Variants in PPARD observed in about 807,000 individuals in gnomAD.
PPARD encodes peroxisome proliferator activated receptor delta, also known as peroxisome proliferator-activated receptor delta.
Under a neutral mutation model 39.5 loss-of-function variants are expected in PPARD, and 6 were observed. The ratio of observed to expected loss-of-function variants is 0.15; its 90% CI spans 0.08 to 0.30. The LOEUF (loss-of-function observed/expected upper bound fraction) is 0.30. PPARD is among the 10% of genes least tolerant of loss of function. The probability of loss-of-function intolerance (pLI) is 1.00; values close to 1 mark genes in which losing one functional copy is unlikely to be tolerated. For synonymous variants in PPARD, 210 were observed against 231.3 expected (o/e 0.91, Z 0.83); for missense variants, 397 against 596.8 (o/e 0.67, Z 3.49).
Position 35,407,920 on chromosome 6 carries a change from A to C in PPARD, c.-101-3067A>C, listed in dbSNP as rs78785385. 6.0e-4 allele frequency among the ~76,000 whole-genome samples: 92 copies of C among 152,164 alleles called. No individual in the cohort carries two copies. The East Asian group carries it at 0.014, about 23-fold the overall frequency. Reference sequence around the variant, plus strand: ...CAGAACCCCACTCTACTCTTGAGCTAAGTGTCTTTATGTCTCCTATTTTAA... The same window carrying C: ...CAGAACCCCACTCTACTCTTGAGCTCAGTGTCTTTATGTCTCCTATTTTAA... On this transcript the variant is annotated intron_variant, in intron 2 of 7. Coordinates refer to ENST00000360694, the MANE Select transcript of PPARD (RefSeq NM_006238.5).
intron 2 of PPARD, among the ~76,000 whole-genome samples, chr6:35,361,818 G>A (rs1443885181): frequency 6.6e-6 from 1 of 152,200 alleles, no homozygotes; most frequent in Admixed American, 6.5e-5. Context: ...GTCCCATGGG[G>A]ACAGGTGGTT....
At chr6:35,388,578 G>T (rs952689441) in intron 2 of PPARD, among the ~76,000 whole-genome samples, 1 of 152,126 alleles carries the variant, frequency 6.6e-6, no homozygotes, top group African/African-American at 2.4e-5. Context: ...CGGGCGTGGT[G>T]GCGCACACGT....
chr6:35,425,616 G>A lies in PPARD; in HGVS notation c.1079-216G>A, dbSNP rs1471212230. Among the ~76,000 whole-genome samples, 1 of 152,154 alleles carries A rather than the reference G, an allele frequency of 6.6e-6. No individual in the cohort carries two copies. The highest frequency in any genetic ancestry group is 2.4e-5 in the African/African-American group (1 of 41,430). On this transcript the variant is annotated intron_variant, in intron 7 of 7. Transcript: ENST00000360694. This position sits in a 1 kb window ranked among gnomAD's most constrained non-coding sequence, Gnocchi z 4.5. Reference sequence around the variant, plus strand: ...ACAATACTACGTTGCCTAATCGGGGGGGAGGTGGGGACAAATTGGCAAAAA... The same window carrying A: ...ACAATACTACGTTGCCTAATCGGGGAGGAGGTGGGGACAAATTGGCAAAAA...
chr6:35,396,461 C>A (rs1764321636), intron 2 of PPARD, among the ~76,000 whole-genome samples: 1 of 150,092 alleles, frequency 6.7e-6, no homozygotes, highest in African/African-American at 2.5e-5. Context: ...ACCTCGGCCT[C>A]CCAAAGTGCT....
Position 35,366,939 on chromosome 6 carries a change from A to G in PPARD, c.-102+19789A>G, listed in dbSNP as rs766712728. On this transcript the variant is annotated intron_variant, in intron 2 of 7. Coordinates refer to ENST00000360694, the MANE Select transcript of PPARD (RefSeq NM_006238.5). This position sits in a 1 kb window ranked among gnomAD's most constrained non-coding sequence, Gnocchi z 4.6. The stretch of plus-strand genomic sequence containing the variant: ...GATTAATATGCATATGGTCTTGCGT[A>G]TGGCCAGACTTATGACTTGCGTATG... Among the ~76,000 whole-genome samples the G allele has an allele frequency of 1.1e-4, 16 of 152,236 alleles. No homozygotes were observed. Among genetic ancestry groups the G allele is most frequent in the Non-Finnish European group, 1.8e-4 (12 of 68,044 alleles).
At chr6:35,394,577 C>A (rs1175326790) in intron 2 of PPARD, among the ~76,000 whole-genome samples, 1 of 151,980 alleles carries the variant, frequency 6.6e-6, no homozygotes. Context: ...TCGAGACCAG[C>A]CTGGCCAACA....
chr6:35,378,472 C>T (rs745468677), intron 2 of PPARD, among the ~76,000 whole-genome samples: 1 of 152,168 alleles, frequency 6.6e-6, no homozygotes, highest in East Asian at 1.9e-4. Flanking sequence ...AGACTTAAAA[C>T]AAGCCAGTGG....
At position 35,424,148 on chromosome 6, in the gene PPARD, G is replaced by A. The variant is rs767425297; in HGVS notation, c.627G>A (p.Ala209=). The A allele has an allele frequency of 3.1e-6, 5 of 1,612,078 alleles. No homozygotes were observed. Among genetic ancestry groups the A allele is most frequent in the South Asian group, 2.2e-5 (2 of 91,066 alleles). The change falls in exon 6 of 8, where the codon GCG becomes GCA. Residue 209 remains alanine (A), a splice_region_variant and synonymous_variant. Coordinates refer to ENST00000360694, the MANE Select transcript of PPARD (RefSeq NM_006238.5). The surrounding 1 kb of genome is among the most constrained non-coding windows in gnomAD (Gnocchi z 7.1). ...SILTGKASHT[A]PFVIHDIETL... is the part of the protein sequence containing the mutation. Reference sequence around the variant, plus strand: ...TCACCGGCAAAGCCAGCCACACGGCGGTGAGTGTTGCTGCTGCTTGGCCTG... The same window carrying A: ...TCACCGGCAAAGCCAGCCACACGGCAGTGAGTGTTGCTGCTGCTTGGCCTG...
chr6:35,351,946 T>C (rs999131656), intron 2 of PPARD, among the ~76,000 whole-genome samples: 11 of 148,306 alleles, frequency 7.4e-5, no homozygotes, highest in Non-Finnish European at 1.6e-4. Flanking sequence ...GCTCACTGTA[T>C]CTAGCCTTGA....
intron 2 of PPARD, among the ~76,000 whole-genome samples, chr6:35,380,658 T>C (rs1763107809): frequency 6.6e-6 from 1 of 151,884 alleles, no homozygotes; most frequent in Non-Finnish European, 1.5e-5. Flanking sequence ...ACCCGGCTAA[T>C]TTTTAAATTT....
At chr6:35,355,552 TAAAAAAAAAA>T (rs1171537260) in intron 2 of PPARD, among the ~76,000 whole-genome samples, 7 of 59,418 alleles carry the variant, frequency 1.2e-4, no homozygotes, top group African/African-American at 1.6e-4. Context: ...GCCCTGTCTG[TAAAAAAAAAA>T]AAAAAAAAAA....
At chr6:35,353,540 A>G (rs1050238428) in intron 2 of PPARD, among the ~76,000 whole-genome samples, 3 of 152,246 alleles carry the variant, frequency 2.0e-5, no homozygotes, top group East Asian at 3.8e-4. Flanking sequence ...AAAGTTAAGC[A>G]TAAATTATTC....
intron 3 of PPARD, among the ~76,000 whole-genome samples, chr6:35,411,741 C>A (rs1252099886): frequency 1.3e-5 from 2 of 152,180 alleles, no homozygotes; most frequent in South Asian, 2.1e-4. Flanking sequence ...TATTTTTATG[C>A]AGCCAAGCAG....
chr6:35,419,774 TTC>T (rs1396326153), intron 3 of PPARD, among the ~76,000 whole-genome samples: 1 of 152,130 alleles, frequency 6.6e-6, no homozygotes, highest in Non-Finnish European at 1.5e-5. Flanking sequence ...TCTGTCTGCT[TTC>T]TCTCTCTTGC....
At chr6:35,349,984 T>C (rs1474793130) in intron 2 of PPARD, among the ~76,000 whole-genome samples, 2 of 152,230 alleles carry the variant, frequency 1.3e-5, no homozygotes, top group East Asian at 1.9e-4. Flanking sequence ...TCAAGTGATC[T>C]GCCTGCCTCA....
chr6:35,393,759 A>T (rs1181728364), intron 2 of PPARD, among the ~76,000 whole-genome samples: 2 of 151,960 alleles, frequency 1.3e-5, no homozygotes, highest in Non-Finnish European at 2.9e-5. Flanking sequence ...CTGTCCTTTC[A>T]CTCTGGTTCT....
At chr6:35,415,182 C>G (rs992972219) in intron 3 of PPARD, among the ~76,000 whole-genome samples, 6 of 152,236 alleles carry the variant, frequency 3.9e-5, no homozygotes, top group East Asian at 1.9e-4. Context: ...GTGCCCAGGG[C>G]TGGCCATACA....
At chr6:35,371,806 G>C (rs958778402) in intron 2 of PPARD, among the ~76,000 whole-genome samples, 4 of 152,200 alleles carry the variant, frequency 2.6e-5, no homozygotes, top group African/African-American at 7.2e-5. Flanking sequence ...TGTGCTCATT[G>C]ACCTCCTCTC....
In PPARD at chr6:35,363,613, G is replaced by T. The variant is rs1339440185; in HGVS notation, c.-102+16463G>T. On this transcript the variant is annotated intron_variant, in intron 2 of 7. Transcript: ENST00000360694. This position sits in a 1 kb window ranked among gnomAD's most constrained non-coding sequence, Gnocchi z 4.5. Reference sequence around the variant, plus strand: ...GACCCACCAGGAAAGGGTGGATCCAGTGAGGCGGGGGCCAGGCCTTGCCCA... The same window carrying T: ...GACCCACCAGGAAAGGGTGGATCCATTGAGGCGGGGGCCAGGCCTTGCCCA... 6.6e-6 allele frequency among the ~76,000 whole-genome samples: 1 copy of T among 152,112 alleles called. No individual in the cohort carries two copies. Among genetic ancestry groups the T allele is most frequent in the Non-Finnish European group, 1.5e-5 (1 of 68,010 alleles).
Sources: allele counts gnomAD v4.1 joint callset (sites outside exome capture counted in the v4.1 genomes callset), GRCh38; gene constraint gnomAD v4.1.1; non-coding constraint Gnocchi (gnomAD v3.1); transcripts MANE v1.5; gene names NCBI Gene and HGNC (gene_info 2026-07-23, HGNC 2026-07-21).